The following XKR9 variants were observed in gnomAD, a reference collection of about 807,000 sequenced individuals.
XKR9 encodes the protein XK related 9.
Under a neutral mutation model 32.0 loss-of-function variants are expected in XKR9, and 32 were observed. The ratio of observed to expected loss-of-function variants is 1.00; its 90% CI spans 0.76 to 1.34. The LOEUF (loss-of-function observed/expected upper bound fraction) is 1.34. Among genes scored for constraint, XKR9 ranks in the 40% most tolerant of loss-of-function variants. The probability of loss-of-function intolerance (pLI) is 0.00; values close to 1 mark genes in which losing one functional copy is unlikely to be tolerated. For synonymous variants in XKR9, 168 were observed against 143.4 expected (o/e 1.17, Z -1.22); for missense variants, 546 against 429.7 (o/e 1.27, Z -2.39).
chr8:70,834,161 AGT>A, the XKR9 span, among the ~76,000 whole-genome samples: 1 of 151,932 alleles, frequency 6.6e-6, no homozygotes, highest in Non-Finnish European at 1.5e-5. Context: ...TATAATATAT[AGT>A]GTTTTGCACT....
chr8:70,847,192 T>C, the XKR9 span, among the ~76,000 whole-genome samples: 4 of 151,972 alleles, frequency 2.6e-5, no homozygotes, highest in Admixed American at 2.0e-4. Flanking sequence ...AAGAGGAACC[T>C]TGGGAACAGT....
chr8:70,908,814 T>TA, the XKR9 span, among the ~76,000 whole-genome samples: 5 of 151,926 alleles, frequency 3.3e-5, no homozygotes, highest in South Asian at 2.1e-4. Flanking sequence ...ATGGGCTGTA[T>TA]AAAAAAAAGG....
At chr8:70,848,105 A>G in the XKR9 span, among the ~76,000 whole-genome samples, 1 of 152,172 alleles carries the variant, frequency 6.6e-6, no homozygotes, top group Non-Finnish European at 1.5e-5. Context: ...AACACATTAA[A>G]AAGATCATTC....
the XKR9 span, among the ~76,000 whole-genome samples, chr8:70,909,867 C>A: frequency 2.0e-5 from 3 of 151,718 alleles, no homozygotes; most frequent in Non-Finnish European, 4.4e-5. Context: ...TGCCACCATG[C>A]CTGGCTAATT....
the XKR9 span, among the ~76,000 whole-genome samples, chr8:70,995,331 T>C: frequency 6.6e-6 from 1 of 152,206 alleles, no homozygotes; most frequent in Non-Finnish European, 1.5e-5. Context: ...TTGATCATTT[T>C]CACTACAGCC....
At chr8:70,884,931 G>T in the XKR9 span, among the ~76,000 whole-genome samples, 1 of 152,086 alleles carries the variant, frequency 6.6e-6, no homozygotes, top group African/African-American at 2.4e-5. Context: ...CTGGGATTTT[G>T]ATTGTGATTG....
chr8:70,905,056 T>C, the XKR9 span, among the ~76,000 whole-genome samples: 1 of 152,316 alleles, frequency 6.6e-6, no homozygotes, highest in South Asian at 2.1e-4. Context: ...CCTTAACATT[T>C]TTTCCTTCAT....
the XKR9 span, among the ~76,000 whole-genome samples, chr8:70,815,641 T>G: frequency 6.6e-6 from 1 of 151,962 alleles, no homozygotes; most frequent in Non-Finnish European, 1.5e-5. Context: ...TTCTCCTGCC[T>G]CAGCCTCCCG....
chr8:70,723,330 C>T (rs1806346121), intron 4 of XKR9, among the ~76,000 whole-genome samples: 1 of 152,080 alleles, frequency 6.6e-6, no homozygotes, highest in Admixed American at 6.6e-5. Flanking sequence ...CATTCTCTGT[C>T]CTGTTTTGTG....
chr8:71,019,320 G>T, the XKR9 span, among the ~76,000 whole-genome samples: 1 of 152,182 alleles, frequency 6.6e-6, no homozygotes, highest in Admixed American at 6.5e-5. Flanking sequence ...AAAAGAGCCT[G>T]CAATGGAACA....
chr8:71,015,213 CA>C, the XKR9 span, among the ~76,000 whole-genome samples: 1 of 152,156 alleles, frequency 6.6e-6, no homozygotes, highest in Non-Finnish European at 1.5e-5. Flanking sequence ...TTTGAGTTAG[CA>C]GAATTTCCTC....
the XKR9 span, among the ~76,000 whole-genome samples, chr8:70,883,833 G>C: frequency 6.6e-6 from 1 of 152,126 alleles, no homozygotes; most frequent in Non-Finnish European, 1.5e-5. Flanking sequence ...TAAAGAGAAA[G>C]CTAATATAAA....
chr8:70,985,694 A>AT, the XKR9 span, among the ~76,000 whole-genome samples: 4 of 152,024 alleles, frequency 2.6e-5, no homozygotes, highest in Admixed American at 6.6e-5. Context: ...CCTACCCTCA[A>AT]TTTTTTCTTT....
the XKR9 span, among the ~76,000 whole-genome samples, chr8:70,922,523 A>G: frequency 6.6e-6 from 1 of 152,264 alleles, no homozygotes; most frequent in East Asian, 1.9e-4. Context: ...GTAAACATCC[A>G]TCCATTTAAA....
chr8:70,919,713 T>A, the XKR9 span, among the ~76,000 whole-genome samples: 4 of 152,126 alleles, frequency 2.6e-5, no homozygotes, highest in Non-Finnish European at 5.9e-5. Flanking sequence ...CTGGCTATCT[T>A]CCTCCCTGGG....
At chr8:70,922,728 G>A in the XKR9 span, among the ~76,000 whole-genome samples, 1 of 152,206 alleles carries the variant, frequency 6.6e-6, no homozygotes, top group African/African-American at 2.4e-5. Flanking sequence ...CTTGCCTTGT[G>A]TGGCACATGA....
At chr8:71,024,361 G>C in the XKR9 span, among the ~76,000 whole-genome samples, 1 of 152,116 alleles carries the variant, frequency 6.6e-6, no homozygotes, top group Non-Finnish European at 1.5e-5. Context: ...CCAGGGTGCT[G>C]GGGACACTGC....
chr8:70,736,238 G>GT (rs1402619518), downstream of XKR9, among the ~76,000 whole-genome samples: 1 of 152,132 alleles, frequency 6.6e-6, no homozygotes, highest in Non-Finnish European at 1.5e-5. Flanking sequence ...TTTTTCATGT[G>GT]TTTTTTGGTT....
chr8:70,857,763 C>A, the XKR9 span, among the ~76,000 whole-genome samples: 1 of 152,202 alleles, frequency 6.6e-6, no homozygotes, highest in Admixed American at 6.5e-5. Context: ...AAAGCTTATC[C>A]GCCATGATCA....
Sources: allele counts gnomAD v4.1 joint callset (sites outside exome capture counted in the v4.1 genomes callset), GRCh38; gene constraint gnomAD v4.1.1; transcripts MANE v1.5; gene names NCBI Gene and HGNC (gene_info 2026-07-23, HGNC 2026-07-21).